Variants in ACSM4 observed in about 807,000 individuals in gnomAD.
The protein encoded by ACSM4 is acyl-coenzyme A synthetase ACSM4, mitochondrial.
ACSM4 carries 66 observed loss-of-function variants against 73.0 expected under a neutral mutation model. The observed-to-expected ratio is 0.90, with a 90% CI of 0.74 to 1.11. The LOEUF is 1.11. ACSM4 is among the 50% of genes least tolerant of loss of function. The pLI is 0.00. For synonymous variants in ACSM4, 222 were observed against 254.0 expected, an observed-to-expected ratio of 0.87 and a Z score of 1.20; for missense variants, 645 against 714.4, an observed-to-expected ratio of 0.90 and a Z score of 1.11.
chr12:7,328,445 C>A lies in ACSM4; in HGVS notation c.*72C>A. The A allele has an allele frequency of 3.5e-6, 4 of 1,158,960 alleles. No homozygotes were observed. Among genetic ancestry groups the A allele is most frequent in the Non-Finnish European group, 4.7e-6 (4 of 844,694 alleles). The allele number at this position is 1,158,960 out of a possible 1,614,324, so 71.8% of individuals were successfully genotyped here. ...TTTAGTATTTGTTCCGATAATTCAG[C>A]GACTACTCTCTTAAAATGTTTAAGA... is the stretch of plus-strand genomic sequence containing the variant. On this transcript the variant is annotated 3_prime_UTR_variant, in exon 13 of 13. Transcript: ENST00000399422.
At chr12:7,313,830 G>A (rs942457985) in intron 3 of ACSM4, among the ~76,000 whole-genome samples, 4 of 152,144 alleles carry the variant, frequency 2.6e-5, no homozygotes, top group African/African-American at 9.7e-5. Flanking sequence ...AGTGAAGCCT[G>A]GAAGAGCAAA....
At chr12:7,323,107 T>C (rs1565755607) in intron 7 of ACSM4, 127 bp from the exon 8 acceptor site, 2 of 814,536 alleles carry the variant, frequency 2.5e-6, no homozygotes, top group South Asian at 3.7e-5. Flanking sequence ...TTTCAAATAA[T>C]ATATTTCAGA....
intron 11 of ACSM4, 128 bp from the exon 12 acceptor site, chr12:7,326,848 T>G: frequency 8.6e-6 from 9 of 1,047,006 alleles, no homozygotes; most frequent in Non-Finnish European, 1.2e-5. Context: ...AGAGGTAACC[T>G]CTGGCATTTG....
At chr12:7,321,354 A>G (rs1238738104) in intron 6 of ACSM4, among the ~76,000 whole-genome samples, 4 of 152,222 alleles carry the variant, frequency 2.6e-5, no homozygotes, top group African/African-American at 7.2e-5. Flanking sequence ...GTTGCAATGT[A>G]TATTTGTTTA....
chr12:7,324,211 G>C, intron 9 of ACSM4, 62 bp from the exon 10 acceptor site: 2 of 1,577,664 alleles, frequency 1.3e-6, no homozygotes, highest in Non-Finnish European at 1.7e-6. Context: ...GTCACTTAAT[G>C]AGTGCCATAC....
In ACSM4 at chr12:7,318,066, A is replaced by G; in HGVS notation, c.805A>G (p.Met269Val). The change falls in exon 5 of 13, where the codon ATG becomes GTG. Residue 269 changes from methionine (M) to valine (V), a missense_variant. Transcript: ENST00000399422. ...DLKSSDIIWN[M>V]SDTGWVKAAI... The stretch of plus-strand genomic sequence containing the variant: ...GAAGTCCTCAGATATCATATGGAAT[A>G]TGTCTGACACGGGCTGGGTCAAGGC... 1 of 1,613,790 alleles carries G rather than the reference A, an allele frequency of 6.2e-7. No homozygotes were observed. The highest frequency in any genetic ancestry group is 8.5e-7 in the Non-Finnish European group (1 of 1,179,808).
chr12:7,311,374 C>T (rs1310938190), intron 3 of ACSM4, among the ~76,000 whole-genome samples: 1 of 152,024 alleles, frequency 6.6e-6, no homozygotes, highest in Non-Finnish European at 1.5e-5. Flanking sequence ...CTTCCTCAAA[C>T]ATGCCCTACC....
rs775842343 is a variant in ACSM4 at position 7,304,485 on chromosome 12, T to C, written c.154T>C (p.Phe52Leu). The change falls in exon 1 of 13, where the codon TTT (phenylalanine) becomes CTT (leucine). Residue 52 changes from phenylalanine (F) to leucine (L), a missense_variant. Physicochemically the swap from Phe to Leu is conservative, Grantham distance 22 (BLOSUM62 0). Coordinates refer to ENST00000399422, the MANE Select transcript of ACSM4 (RefSeq NM_001080454.2). ...CTGTAACAGGCCATTGCCTAAAAAC[T>C]TTAACTTTGCTGCAGATGTGCTGGA... ...NRCNRPLPKN[F>L]NFAADVLDQW... 1.9e-6 allele frequency: 3 copies of C among 1,613,942 alleles called. No homozygotes were observed. The East Asian group carries it at 6.7e-5, about 36-fold the overall frequency.
At chr12:7,320,588 T>C (rs1477558554) in intron 5 of ACSM4, 137 bp from the exon 6 acceptor site, 6 of 648,354 alleles carry the variant, frequency 9.3e-6, no homozygotes, top group Non-Finnish European at 1.6e-5. Context: ...AAGTAATAAA[T>C]ATTGTTTTCT....
chr12:7,328,467 A>C lies in ACSM4; in HGVS notation c.*94A>C, dbSNP rs1174698251. 1.0e-6 allele frequency: 1 copy of C among 994,668 alleles called. No homozygotes were observed. Among genetic ancestry groups the C allele is most frequent in the Non-Finnish European group, 1.4e-6 (1 of 727,588 alleles). The allele number at this position is 994,668 out of a possible 1,614,324, so 61.6% of individuals were successfully genotyped here. On this transcript the variant is annotated 3_prime_UTR_variant, in exon 13 of 13. Coordinates refer to ENST00000399422, the MANE Select transcript of ACSM4 (RefSeq NM_001080454.2). ...CAGCGACTACTCTCTTAAAATGTTT[A>C]AGATCTTTCCTGCTTGAAAACTCAA...
In ACSM4 at chr12:7,322,552, A is replaced by G. The variant is rs1477933335; in HGVS notation, c.1125+11A>G. On this transcript the variant is annotated intron_variant, in intron 7 of 12. Transcript: ENST00000399422. ...GGACAGACGGAAGTGGTATATCTAAAGGGCATTTATGTTTAGTATATGTGG... is the reference window on the plus strand; with the variant it reads ...GGACAGACGGAAGTGGTATATCTAAGGGGCATTTATGTTTAGTATATGTGG... The G allele has an allele frequency of 6.2e-7, 1 of 1,610,138 alleles. No individual in the cohort carries two copies. The highest frequency in any genetic ancestry group is 1.3e-5 in the African/African-American group (1 of 74,894).
intron 6 of ACSM4, among the ~76,000 whole-genome samples, chr12:7,321,522 A>C (rs1387448956): frequency 1.3e-5 from 2 of 152,238 alleles, no homozygotes; most frequent in Non-Finnish European, 2.9e-5. Context: ...TTTCCTAGTC[A>C]GTGTCAACTC....
chr12:7,320,921 T>G (rs1685191368), intron 6 of ACSM4, 117 bp downstream of exon 6: 3 of 880,554 alleles, frequency 3.4e-6, no homozygotes, highest in Admixed American at 2.1e-5. Flanking sequence ...ACCACTGACA[T>G]TTTGAACCGA....
intron 3 of ACSM4, among the ~76,000 whole-genome samples, chr12:7,312,141 G>A (rs1591842644): frequency 6.6e-6 from 1 of 152,296 alleles, no homozygotes; most frequent in East Asian, 1.9e-4. Flanking sequence ...TACAGAAAAA[G>A]TTTGGCAACC....
chr12:7,326,992 T>C lies in ACSM4; in HGVS notation c.1553T>C (p.Val518Ala). 1 of 1,604,940 alleles carries C rather than the reference T, an allele frequency of 6.2e-7. No individual in the cohort carries two copies. Residue 518 changes from valine to alanine, a missense_variant, in exon 12 of 13, where the codon GTT (valine) becomes GCT (alanine). Transcript: ENST00000399422. ...CTGTTGCAGGTGGTGAAAGCTTTTG[T>C]TGTCTTAGCTGCACCCTTTAAGTCC... Reference protein sequence around the residue: ...QIRGEVVKAFVVLAAPFKSYN... With the variant: ...QIRGEVVKAFAVLAAPFKSYN...
Position 7,327,007 on chromosome 12 carries a change from C to A in ACSM4, c.1568C>A (p.Pro523His). 6.2e-7 allele frequency: 1 copy of A among 1,612,200 alleles called. No individual in the cohort carries two copies. The highest frequency in any genetic ancestry group is 1.1e-5 in the South Asian group (1 of 90,480). The change falls in exon 12 of 13, where the codon CCC (proline) becomes CAC (histidine). Residue 523 changes from proline to histidine, a missense_variant. Physicochemically the swap from Pro to His is moderately conservative, Grantham distance 77 (BLOSUM62 -2). Coordinates refer to ENST00000399422, the MANE Select transcript of ACSM4 (RefSeq NM_001080454.2). ...AAAGCTTTTGTTGTCTTAGCTGCAC[C>A]CTTTAAGTCCTACAACCCAGAGAAA... The part of the protein sequence containing the change: ...VVKAFVVLAA[P>H]FKSYNPEKLT...
chr12:7,328,004 A>G (rs1165383657), intron 12 of ACSM4, among the ~76,000 whole-genome samples: 3 of 152,186 alleles, frequency 2.0e-5, no homozygotes, highest in Non-Finnish European at 4.4e-5. Context: ...GTAGAAGCCT[A>G]GGACTAGTTT....
In ACSM4 at chr12:7,323,232, A is replaced by G; in HGVS notation, c.1126-2A>G. 1 of 1,605,718 alleles carries G rather than the reference A, an allele frequency of 6.2e-7. No homozygotes were observed. The highest frequency in any genetic ancestry group is 8.5e-7 in the Non-Finnish European group (1 of 1,175,932). Reference sequence around the variant, plus strand: ...CTTATACAAAGCTTGTCCTCTCAATAGGGAATGATTTGTGCCAATCAGAAA... The same window carrying G: ...CTTATACAAAGCTTGTCCTCTCAATGGGGAATGATTTGTGCCAATCAGAAA... On this transcript the variant is annotated splice_acceptor_variant, in intron 7 of 12. Transcript: ENST00000399422. LOFTEE classifies it high-confidence loss of function.
rs1443715065 is a variant in ACSM4, at chr12:7,304,323, T to C, written c.-9T>C. The C allele has an allele frequency of 3.1e-6, 5 of 1,613,672 alleles. No homozygotes were observed. Among genetic ancestry groups the C allele is most frequent in the Non-Finnish European group, 4.2e-6 (5 of 1,179,756 alleles). The stretch of plus-strand genomic sequence containing the variant: ...TGTCCATAGCAGTAGACAAAGTCCT[T>C]TGGGAACCATGAAGATTTTTTTCCG... On this transcript the variant is annotated 5_prime_UTR_variant, in exon 1 of 13. Transcript: ENST00000399422.
Sources: allele counts gnomAD v4.1 joint callset (sites outside exome capture counted in the v4.1 genomes callset), GRCh38; gene constraint gnomAD v4.1.1; transcripts MANE v1.5; gene names NCBI Gene and HGNC (gene_info 2026-07-23, HGNC 2026-07-21).